Variants in EFCAB13 observed in about 807,000 individuals in gnomAD.
The protein encoded by EFCAB13 is EF-hand calcium binding domain 13, also known as EF-hand calcium-binding domain-containing protein 13.
In EFCAB13, 91 loss-of-function variants were observed where a neutral mutation model predicts 110.2. The observed-to-expected ratio is 0.83, with a 90% CI of 0.70 to 0.98. EFCAB13 has a LOEUF of 0.98. Among genes scored for constraint, EFCAB13 ranks in the 50% least tolerant of loss-of-function variants. The pLI, the probability that EFCAB13 is intolerant of heterozygous loss-of-function variation, is 0.00. For synonymous variants in EFCAB13, 323 were observed against 369.9 expected (o/e 0.87, Z 1.45); for missense variants, 968 against 1,119.4 (o/e 0.86, Z 1.93).
chr17:47,355,092 C>T (rs2065472592), intron 9 of EFCAB13, among the ~76,000 whole-genome samples: 2 of 152,166 alleles, frequency 1.3e-5, no homozygotes, highest in Admixed American at 1.3e-4. Context: ...GGCAAATTCT[C>T]TCAGCATTTG....
chr17:47,342,051 A>T lies in EFCAB13; in HGVS notation c.303+19A>T. 7.0e-7 allele frequency: 1 copy of T among 1,435,202 alleles called. No individual in the cohort carries two copies. The highest frequency in any genetic ancestry group is 9.6e-7 in the Non-Finnish European group (1 of 1,045,120). The allele number at this position is 1,435,202 out of a possible 1,614,324, so 88.9% of individuals were successfully genotyped here. A position where few individuals can be genotyped will look rare whatever the true frequency, so the allele number is the denominator to read the frequency against. On this transcript the variant is annotated intron_variant, in intron 6 of 24. Transcript: ENST00000331493. ...AACTGAGGTAAATAAAGATTTGGAA[A>T]TTTTTCTTTTACCTTCAAATATTTT... is the stretch of plus-strand genomic sequence containing the variant.
At chr17:47,398,336 C>T (rs1300954612) in intron 17 of EFCAB13, among the ~76,000 whole-genome samples, 5 of 149,628 alleles carry the variant, frequency 3.3e-5, no homozygotes, top group South Asian at 2.2e-4. Flanking sequence ...CCCCTCTGCC[C>T]GGCCACCACC....
At chr17:47,424,555 A>G (rs1475237970) in intron 23 of EFCAB13, among the ~76,000 whole-genome samples, 1 of 152,182 alleles carries the variant, frequency 6.6e-6, no homozygotes, top group East Asian at 1.9e-4. Context: ...TCTCTGGAAG[A>G]CTTATTCCAG....
intron 5 of EFCAB13, chr17:47,339,971 T>C (rs902765133): frequency 6.6e-6 from 1 of 152,180 alleles, no homozygotes; most frequent in African/African-American, 2.4e-5. Context: ...TATCAGGGAT[T>C]CATCAGAAGG....
intron 24 of EFCAB13, 123 bp downstream of exon 24, chr17:47,430,084 G>T: frequency 7.2e-7 from 1 of 1,391,038 alleles, no homozygotes; most frequent in Non-Finnish European, 9.4e-7. Flanking sequence ...ATGACTGCTG[G>T]ACACTGGTAC....
intron 23 of EFCAB13, among the ~76,000 whole-genome samples, chr17:47,419,097 A>C (rs548073418): frequency 6.6e-6 from 1 of 152,212 alleles, no homozygotes; most frequent in East Asian, 1.9e-4. Context: ...AGTAAAAATT[A>C]AGCAACATAA....
rs1363405191 is a variant in EFCAB13, at chr17:47,440,750, T to C, written c.*36T>C. 2 of 1,461,386 alleles carry C rather than the reference T, an allele frequency of 1.4e-6. No individual in the cohort carries two copies. Among genetic ancestry groups the C allele is most frequent in the African/African-American group, 1.4e-5 (1 of 70,434 alleles). 90.5% of individuals were successfully genotyped at this position (1,461,386 alleles called of 1,614,324 possible). ...TTGATAGTGCTAGAAAATTACTAGA[T>C]TATATATTATTCAGTATGCATATTT... On this transcript the variant is annotated 3_prime_UTR_variant, in exon 25 of 25. Coordinates refer to ENST00000331493, the MANE Select transcript of EFCAB13 (RefSeq NM_152347.5).
intron 5 of EFCAB13, among the ~76,000 whole-genome samples, chr17:47,339,549 C>T (rs971356309): frequency 6.6e-6 from 1 of 152,048 alleles, no homozygotes; most frequent in African/African-American, 2.4e-5. Context: ...AATGCTTACT[C>T]GCCAGCCACT....
chr17:47,417,257 G>A, intron 23 of EFCAB13, among the ~76,000 whole-genome samples: 1 of 152,234 alleles, frequency 6.6e-6, no homozygotes, highest in Middle Eastern at 3.2e-3. Flanking sequence ...TCAGGAGTGG[G>A]AGAGATGGAA....
intron 10 of EFCAB13, among the ~76,000 whole-genome samples, chr17:47,362,791 C>T (rs1023160084): frequency 3.9e-5 from 6 of 152,208 alleles, no homozygotes; most frequent in African/African-American, 1.4e-4. Flanking sequence ...GGCTGCCAGG[C>T]AGGGAAGGGC....
In EFCAB13 at chr17:47,361,432, C is replaced by A. The variant is rs749199929; in HGVS notation, c.716C>A (p.Thr239Asn). ...FCRIKGGRVS[T>N]DDVFAVLDSM... is the part of the protein sequence containing the mutation. Reference sequence around the variant, plus strand: ...AGGATAAAAGGTGGTCGAGTTTCAACTGATGACGTGTTTGCTGTTTTGGAT... The same window carrying A: ...AGGATAAAAGGTGGTCGAGTTTCAAATGATGACGTGTTTGCTGTTTTGGAT... The change falls in exon 10 of 25, where the codon ACT becomes AAT. Residue 239 changes from threonine to asparagine, a missense_variant. Coordinates refer to ENST00000331493, the MANE Select transcript of EFCAB13 (RefSeq NM_152347.5). 4 of 1,613,818 alleles carry A rather than the reference C, an allele frequency of 2.5e-6. No homozygotes were observed. Among genetic ancestry groups the A allele is most frequent in the African/African-American group, 2.7e-5 (2 of 74,886 alleles).
chr17:47,377,186 A>AAC lies in EFCAB13; in HGVS notation c.1373-565_1373-564dup, dbSNP rs540136692. Among the ~76,000 whole-genome samples, 721 of 151,400 alleles carry AAC rather than the reference A, an allele frequency of 4.8e-3. 18 individuals carry two copies. The East Asian group carries it at 0.066, about 14-fold the overall frequency. ...TTTTACACACACACATACACATACA[A>AAC]ACACACACACACACACTCAGGCTGG... On this transcript the variant is annotated intron_variant, in intron 12 of 24. Transcript: ENST00000331493.
At chr17:47,362,553 GGGCCTGACGGAGGGCCTGACTGATGTCA>G (rs1360634197) in intron 10 of EFCAB13, among the ~76,000 whole-genome samples, 58 of 152,298 alleles carry the variant, frequency 3.8e-4, no homozygotes, top group African/African-American at 1.4e-3. Flanking sequence ...CTCTTGTGGA[GGGCCTGACGGAGGGCCTGACTGATGTCA>G]GGCCTGCCCG....
rs183020306 is a variant in EFCAB13 at position 47,374,952 on chromosome 17, C to T, written c.1358C>T (p.Ala453Val). The stretch of plus-strand genomic sequence containing the variant: ...CAGGTTTCGTCTACGGAAAAAACTG[C>T]AATTAGTACTCTGGGTAAGTAAAAA... ...QKQVSSTEKT[A>V]ISTLENFCEA... The change falls in exon 12 of 25, where the codon GCA becomes GTA. Residue 453 changes from alanine (A) to valine (V), a missense_variant. Coordinates refer to ENST00000331493, the MANE Select transcript of EFCAB13 (RefSeq NM_152347.5). 7.7e-5 allele frequency: 121 copies of T among 1,574,010 alleles called. No homozygotes were observed. The East Asian group carries it at 2.7e-3, about 35-fold the overall frequency.
chr17:47,404,413 C>T (rs1465016965), intron 19 of EFCAB13, 149 bp from the exon 20 acceptor site: 6 of 590,774 alleles, frequency 1.0e-5, no homozygotes, highest in African/African-American at 3.8e-5. Context: ...AGGGTTATTG[C>T]GAGGCTTAAT....
At chr17:47,404,876 GT>G (rs534009110) in intron 20 of EFCAB13, among the ~76,000 whole-genome samples, 164 of 152,172 alleles carry the variant, frequency 1.1e-3, no homozygotes, top group Non-Finnish European at 2.1e-3. Context: ...TTTTCCAATA[GT>G]TAAAATAAGA....
At chr17:47,395,129 C>A (rs1308532311) in intron 16 of EFCAB13, among the ~76,000 whole-genome samples, 1 of 152,168 alleles carries the variant, frequency 6.6e-6, no homozygotes, top group Non-Finnish European at 1.5e-5. Context: ...ATACCCTAGA[C>A]TGTCTTGCCT....
At chr17:47,405,386 A>AT (rs1269251369) in intron 20 of EFCAB13, among the ~76,000 whole-genome samples, 1 of 152,176 alleles carries the variant, frequency 6.6e-6, no homozygotes, top group Non-Finnish European at 1.5e-5. Flanking sequence ...CTACTGCCTA[A>AT]TTACCCTCCT....
intron 14 of EFCAB13, among the ~76,000 whole-genome samples, chr17:47,383,121 G>T (rs2065656188): frequency 6.6e-6 from 1 of 152,178 alleles, no homozygotes; most frequent in Non-Finnish European, 1.5e-5. Context: ...TATGGGGTCA[G>T]TGCTGATATC....
Sources: gnomAD v4.1 joint callset for allele counts (sites outside exome capture counted in the v4.1 genomes callset) on GRCh38, gnomAD v4.1.1 for gene constraint, MANE v1.5 for transcripts, NCBI Gene and HGNC (gene_info 2026-07-23, HGNC 2026-07-21) for gene names.